Variants in LRP11 observed in about 807,000 individuals in gnomAD.
The protein encoded by LRP11 is low-density lipoprotein receptor-related protein 11.
In LRP11, 25 loss-of-function variants were observed where a neutral mutation model predicts 43.1. The observed-to-expected ratio is 0.58, with a 90% CI of 0.42 to 0.81. The LOEUF (loss-of-function observed/expected upper bound fraction) is 0.81, where lower values mean the gene tolerates loss of function less well. LRP11 is among the 30% of genes least tolerant of loss of function. LRP11 has a pLI of 0.00. For synonymous variants in LRP11, 316 were observed against 299.4 expected (o/e 1.06, Z -0.57); for missense variants, 623 against 665.1 (o/e 0.94, Z 0.70).
At chr6:149,855,644 A>T (rs1255375847) in intron 1 of LRP11, among the ~76,000 whole-genome samples, 1 of 151,664 alleles carries the variant, frequency 6.6e-6, no homozygotes, top group Non-Finnish European at 1.5e-5. Context: ...GGGCTCTTAG[A>T]GATGCGGCTT....
intron 5 of LRP11, among the ~76,000 whole-genome samples, chr6:149,833,328 G>C (rs1020455940): frequency 6.6e-6 from 1 of 152,196 alleles, no homozygotes; most frequent in Non-Finnish European, 1.5e-5. Flanking sequence ...GGACAGCAGA[G>C]GGGGAGGGCA....
chr6:149,863,724 T>G lies in LRP11; in HGVS notation c.297A>C (p.Ala99=). Residue 99 remains alanine, a synonymous_variant, in exon 1 of 7, where the codon GCA becomes GCC. Transcript: ENST00000239367. The part of the protein sequence containing the change: ...CPGPGSGGYS[A]MPDAIIRTKD... The stretch of plus-strand genomic sequence containing the variant: ...TGGTGCGGATGATGGCGTCAGGCAT[T>G]GCGCTGTAGCCGCCGCTGCCCGGGC... The G allele has an allele frequency of 2.7e-6, 4 of 1,479,686 alleles. No individual in the cohort carries two copies. The highest frequency in any genetic ancestry group is 2.7e-6 in the Non-Finnish European group (3 of 1,121,998). The allele number at this position is 1,479,686 out of a possible 1,614,324, so 91.7% of individuals were successfully genotyped here.
rs1776352802 is a variant in LRP11 at position 149,827,295 on chromosome 6, TTAGAAA to T, written c.1253-942_1253-937del. Among the ~76,000 whole-genome samples the T allele has an allele frequency of 6.6e-6, 1 of 152,252 alleles. No individual in the cohort carries two copies. Among genetic ancestry groups the T allele is most frequent in the South Asian group, 2.1e-4 (1 of 4,834 alleles). Reference sequence around the variant, plus strand: ...TATTACAATGCTTAATGGCAATGAATTAGAAATAATCTACTGACAAATTTTATTGAG... The same window carrying T: ...TATTACAATGCTTAATGGCAATGAATTAATCTACTGACAAATTTTATTGAG... On this transcript the variant is annotated intron_variant, in intron 5 of 6. Coordinates refer to ENST00000239367, the MANE Select transcript of LRP11 (RefSeq NM_032832.6). The surrounding 1 kb of genome is among the most constrained non-coding windows in gnomAD (Gnocchi z 4.2).
intron 2 of LRP11, chr6:149,852,661 A>G (rs1378408654): frequency 5.5e-6 from 1 of 182,280 alleles, no homozygotes; most frequent in Non-Finnish European, 1.1e-5. Flanking sequence ...TTCTACCTGG[A>G]TCTTGAGCTC....
intron 6 of LRP11, among the ~76,000 whole-genome samples, chr6:149,821,527 A>G (rs138424506): frequency 6.6e-4 from 100 of 152,330 alleles, no homozygotes; most frequent in African/African-American, 2.1e-3. Context: ...TAACTTCCAA[A>G]TATGCTGGTG....
At chr6:149,844,912 T>C (rs1583087798) in intron 2 of LRP11, among the ~76,000 whole-genome samples, 1 of 152,318 alleles carries the variant, frequency 6.6e-6, no homozygotes, top group East Asian at 1.9e-4. Flanking sequence ...AGGTATGGAT[T>C]TCCAGGTCCC....
At chr6:149,859,396 A>ATATTT in intron 1 of LRP11, among the ~76,000 whole-genome samples, 5 of 71,512 alleles carry the variant, frequency 7.0e-5, no homozygotes, top group African/African-American at 2.5e-4. Flanking sequence ...ATATATATAT[A>ATATTT]TTTTTTTTTT....
chr6:149,853,096 C>T lies in LRP11; in HGVS notation c.678G>A (p.Gly226=). 3 of 1,612,668 alleles carry T rather than the reference C, an allele frequency of 1.9e-6. No homozygotes were observed. The highest frequency in any genetic ancestry group is 2.5e-6 in the Non-Finnish European group (3 of 1,179,276). The change falls in exon 2 of 7, where the codon GGG becomes GGA. Residue 226 remains glycine, a synonymous_variant. Transcript: ENST00000239367. ...TGCTCTCGCGGCCGTCTAGAACCAC[C>T]CCGTCTGTGGGCAGATGCAGAACCA... ...QDVVLHLPTD[G]VVLDGRESTD... is the part of the protein sequence containing the mutation.
chr6:149,849,490 C>A (rs1583091510), intron 2 of LRP11, among the ~76,000 whole-genome samples: 1 of 152,306 alleles, frequency 6.6e-6, no homozygotes, highest in East Asian at 1.9e-4. Context: ...GGTGCTGTGG[C>A]TCATGCCTGT....
Position 149,858,696 on chromosome 6 carries a change from C to A in LRP11, c.613+4712G>T, listed in dbSNP as rs578178372. Reference sequence around the variant, plus strand: ...TAATCCATCAACTTATTGGTATATTCCTGTTATTGATATTTCTTCATATAT... The same window carrying A: ...TAATCCATCAACTTATTGGTATATTACTGTTATTGATATTTCTTCATATAT... On this transcript the variant is annotated intron_variant, in intron 1 of 6. Transcript: ENST00000239367. 7.9e-5 allele frequency among the ~76,000 whole-genome samples: 12 copies of A among 152,260 alleles called. 1 individual carries two copies. The South Asian group carries it at 2.5e-3, about 32-fold the overall frequency.
intron 6 of LRP11, chr6:149,825,966 T>A (rs1047650307): frequency 2.5e-5 from 9 of 358,666 alleles, no homozygotes; most frequent in South Asian, 8.0e-5. Context: ...AGGATTTGAA[T>A]TGTGGCATCT....
intron 4 of LRP11, 126 bp downstream of exon 4, chr6:149,837,212 C>A: frequency 2.0e-6 from 2 of 1,018,042 alleles, no homozygotes; most frequent in East Asian, 2.6e-5. Flanking sequence ...ATAGCTTTTA[C>A]ATGTAAAGTT....
At chr6:149,846,361 A>T (rs1376921067) in intron 2 of LRP11, among the ~76,000 whole-genome samples, 1 of 152,200 alleles carries the variant, frequency 6.6e-6, no homozygotes, top group Non-Finnish European at 1.5e-5. Flanking sequence ...AATGACAGGC[A>T]TGCTGGAGTA....
chr6:149,863,082 T>C (rs528110679), intron 1 of LRP11, among the ~76,000 whole-genome samples: 1 of 152,286 alleles, frequency 6.6e-6, no homozygotes, highest in African/African-American at 2.4e-5. Flanking sequence ...ACACAAACCA[T>C]GCCTTATACA....
intron 3 of LRP11, 69 bp from the exon 4 acceptor site, chr6:149,837,532 G>C (rs1222451324): frequency 6.7e-7 from 1 of 1,498,238 alleles, no homozygotes; most frequent in East Asian, 2.3e-5. Flanking sequence ...GATGACAAAG[G>C]GGAGTCCGTG....
intron 2 of LRP11, chr6:149,852,424 G>A (rs929558435): frequency 2.0e-5 from 3 of 152,222 alleles, no homozygotes; most frequent in African/African-American, 7.2e-5. Flanking sequence ...GACTTCCTGA[G>A]CATAGGCAGC....
At chr6:149,848,639 A>G (rs1776674421) in intron 2 of LRP11, among the ~76,000 whole-genome samples, 1 of 152,192 alleles carries the variant, frequency 6.6e-6, no homozygotes, top group African/African-American at 2.4e-5. Flanking sequence ...ACAGAAAACC[A>G]AATACCACAT....
intron 2 of LRP11, among the ~76,000 whole-genome samples, chr6:149,844,950 T>TG (rs1453757359): frequency 6.6e-6 from 1 of 152,154 alleles, no homozygotes; most frequent in Non-Finnish European, 1.5e-5. Context: ...GTCAGTGGGT[T>TG]GGTCAGGAGA....
At chr6:149,844,691 G>A (rs1369327444) in intron 2 of LRP11, among the ~76,000 whole-genome samples, 3 of 152,200 alleles carry the variant, frequency 2.0e-5, no homozygotes, top group African/African-American at 7.2e-5. Context: ...TTACATTGAT[G>A]CGTTAATAAT....
Sources: allele counts gnomAD v4.1 joint callset (sites outside exome capture counted in the v4.1 genomes callset), GRCh38; gene constraint gnomAD v4.1.1; non-coding constraint Gnocchi (gnomAD v3.1); transcripts MANE v1.5; gene names NCBI Gene and HGNC (gene_info 2026-07-23, HGNC 2026-07-21).